GKAP1: variants seen among roughly 807,000 people sequenced by gnomAD.
The protein encoded by GKAP1 is G kinase anchoring protein 1, also known as G kinase-anchoring protein 1.
GKAP1 carries 31 observed loss-of-function variants against 56.7 expected under a neutral mutation model. The observed-to-expected ratio is 0.55, with a 90% CI of 0.41 to 0.74. GKAP1 has a LOEUF of 0.74. Ranked by LOEUF, GKAP1 falls within the 30% of genes least tolerant of loss-of-function variation. GKAP1 has a pLI of 0.00. For synonymous variants in GKAP1, 151 were observed against 138.6 expected, an observed-to-expected ratio of 1.09 and a Z score of -0.63; for missense variants, 364 against 402.3, an observed-to-expected ratio of 0.90 and a Z score of 0.82.
At chr9:83,765,329 T>A (rs1943643660) in intron 8 of GKAP1, among the ~76,000 whole-genome samples, 1 of 152,192 alleles carries the variant, frequency 6.6e-6, no homozygotes, top group Non-Finnish European at 1.5e-5. Flanking sequence ...AACTCCTGGA[T>A]GTCCAGGTAG....
chr9:83,754,262 T>C (rs934912477), intron 8 of GKAP1, among the ~76,000 whole-genome samples: 1 of 152,188 alleles, frequency 6.6e-6, no homozygotes, highest in Non-Finnish European at 1.5e-5. Context: ...AAAATCAGGT[T>C]AAATCCCTGT....
intron 4 of GKAP1, among the ~76,000 whole-genome samples, chr9:83,795,548 G>A (rs890246947): frequency 6.7e-6 from 1 of 149,648 alleles, no homozygotes; most frequent in African/African-American, 2.5e-5. Context: ...AAAGGATAAT[G>A]GTGGTATACT....
In GKAP1 at chr9:83,799,274, T is replaced by C. The variant is rs138726345; in HGVS notation, c.271A>G (p.Asn91Asp). ...IPQKSSHAVC[N>D]AQHDLPLSNP... is the part of the protein sequence containing the mutation. ...GACAATGGAAGATCATGTTGAGCGT[T>C]ACAAACAGCATGGGAGGATTTCTGG... is the stretch of plus-strand genomic sequence containing the variant. Residue 91 changes from asparagine (N) to aspartate (D), a missense_variant, in exon 4 of 13, where the codon AAC (asparagine) becomes GAC (aspartate). Coordinates refer to ENST00000376371, the MANE Select transcript of GKAP1 (RefSeq NM_025211.4). 1.2e-6 allele frequency: 2 copies of C among 1,606,422 alleles called. No individual in the cohort carries two copies. The highest frequency in any genetic ancestry group is 2.7e-5 in the African/African-American group (2 of 74,566).
chr9:83,795,987 T>G (rs747149459), intron 4 of GKAP1, among the ~76,000 whole-genome samples: 2 of 152,238 alleles, frequency 1.3e-5, no homozygotes, highest in African/African-American at 2.4e-5. Context: ...AGTTTTCTCC[T>G]GTGTATATAT....
chr9:83,772,325 AG>A (rs1266245168), intron 7 of GKAP1, among the ~76,000 whole-genome samples: 2 of 152,172 alleles, frequency 1.3e-5, no homozygotes, highest in Non-Finnish European at 2.9e-5. Context: ...CTTTTTAAAA[AG>A]GTGTCAAGGT....
intron 8 of GKAP1, among the ~76,000 whole-genome samples, chr9:83,761,115 G>GA (rs965780155): frequency 6.9e-5 from 10 of 145,626 alleles, no homozygotes; most frequent in East Asian, 4.0e-4. Context: ...AATTAAACTT[G>GA]AAAAAAAACC....
chr9:83,789,774 T>TC (rs1554744264), intron 4 of GKAP1, among the ~76,000 whole-genome samples: 1 of 151,860 alleles, frequency 6.6e-6, no homozygotes, highest in Admixed American at 6.6e-5. Context: ...GAAAAGCAGG[T>TC]GGGTTTAATT....
intron 8 of GKAP1, 147 bp from the exon 9 acceptor site, chr9:83,753,506 C>T: frequency 1.6e-6 from 1 of 643,966 alleles, no homozygotes; most frequent in Non-Finnish European, 2.7e-6. Context: ...TCTACTTTCA[C>T]TCAATTATAT....
At chr9:83,749,460 C>T in intron 9 of GKAP1, among the ~76,000 whole-genome samples, 1 of 152,158 alleles carries the variant, frequency 6.6e-6, no homozygotes, top group Non-Finnish European at 1.5e-5. Context: ...CTCTTGACCT[C>T]AAGTGATCAA....
intron 8 of GKAP1, among the ~76,000 whole-genome samples, chr9:83,766,531 T>C (rs1332693699): frequency 6.6e-6 from 1 of 152,238 alleles, no homozygotes; most frequent in African/African-American, 2.4e-5. Flanking sequence ...ACCTTATTGC[T>C]GCATTAGAGT....
At chr9:83,754,386 A>AACATCAATGT (rs1943440872) in intron 8 of GKAP1, among the ~76,000 whole-genome samples, 1 of 152,244 alleles carries the variant, frequency 6.6e-6, no homozygotes, top group Admixed American at 6.5e-5. Flanking sequence ...GTAATGTGGC[A>AACATCAATGT]ACATCAATGT....
chr9:83,788,193 G>A (rs1406378184), intron 5 of GKAP1, among the ~76,000 whole-genome samples: 1 of 152,168 alleles, frequency 6.6e-6, no homozygotes. Flanking sequence ...CGTGAGAATC[G>A]CTTGAACCTG....
At chr9:83,801,432 T>C (rs1944330146) in intron 3 of GKAP1, among the ~76,000 whole-genome samples, 1 of 151,524 alleles carries the variant, frequency 6.6e-6, no homozygotes, top group African/African-American at 2.4e-5. Context: ...GAGAAACTAA[T>C]AAAGAGGATT....
At chr9:83,800,886 G>C (rs1253077642) in intron 3 of GKAP1, among the ~76,000 whole-genome samples, 1 of 152,186 alleles carries the variant, frequency 6.6e-6, no homozygotes, top group African/African-American at 2.4e-5. Flanking sequence ...TGACAGCCCA[G>C]TTGTAGCTCT....
At chr9:83,779,444 T>TACACACACACAC (rs1264892337) in intron 7 of GKAP1, among the ~76,000 whole-genome samples, 1,254 of 82,750 alleles carry the variant, frequency 0.015, 44 homozygotes, top group Admixed American at 0.041. Flanking sequence ...TATATATATA[T>TACACACACACAC]ATATACACAC....
intron 8 of GKAP1, among the ~76,000 whole-genome samples, chr9:83,766,933 C>T (rs1256911934): frequency 6.6e-6 from 1 of 152,140 alleles, no homozygotes; most frequent in Admixed American, 6.5e-5. Context: ...AAAGGAATCA[C>T]AGAAAATTAA....
intron 7 of GKAP1, among the ~76,000 whole-genome samples, chr9:83,776,730 G>A (rs1043561775): frequency 6.6e-6 from 1 of 152,164 alleles, no homozygotes; most frequent in African/African-American, 2.4e-5. Flanking sequence ...ACACTCCTGT[G>A]TGTTGGTAGC....
intron 8 of GKAP1, among the ~76,000 whole-genome samples, chr9:83,758,567 T>C (rs1943514702): frequency 6.6e-6 from 1 of 152,010 alleles, no homozygotes; most frequent in African/African-American, 2.4e-5. Context: ...ATCCTGTCTC[T>C]ACTAAATAAA....
In GKAP1 at chr9:83,739,560, G is replaced by A. The variant is rs1445070530; in HGVS notation, c.*137C>T. 2 of 488,952 alleles carry A rather than the reference G, an allele frequency of 4.1e-6. No homozygotes were observed. The highest frequency in any genetic ancestry group is 7.2e-6 in the Non-Finnish European group (2 of 278,150). 30.3% of individuals were successfully genotyped at this position (488,952 alleles called of 1,614,324 possible). On this transcript the variant is annotated 3_prime_UTR_variant, in exon 13 of 13. Coordinates refer to ENST00000376371, the MANE Select transcript of GKAP1 (RefSeq NM_025211.4). ...TTAAGCCAAAAGAAATAAAATTATA[G>A]ACCATTAGGGAGCTAGTTGCTTTTA...
Sources: allele counts gnomAD v4.1 joint callset (sites outside exome capture counted in the v4.1 genomes callset), GRCh38; gene constraint gnomAD v4.1.1; transcripts MANE v1.5; gene names NCBI Gene and HGNC (gene_info 2026-07-23, HGNC 2026-07-21).